Variants in CENPW observed in about 807,000 individuals in gnomAD.
CENPW encodes cancer-up-regulated gene 2 protein.
Under a neutral mutation model 11.1 loss-of-function variants are expected in CENPW, and 3 were observed. The observed-to-expected ratio is 0.27, with a 90% CI of 0.12 to 0.70. The LOEUF is 0.70. CENPW is among the 30% of genes least tolerant of loss of function. The probability of loss-of-function intolerance (pLI) is 0.77; values close to 1 mark genes in which losing one functional copy is unlikely to be tolerated. For missense variants in CENPW, 100 were observed against 105.6 expected, an observed-to-expected ratio of 0.95 and a Z score of 0.23; for synonymous variants, 38 against 42.0, an observed-to-expected ratio of 0.91 and a Z score of 0.37.
the CENPW span, among the ~76,000 whole-genome samples, chr6:126,479,871 T>C: frequency 6.6e-6 from 1 of 152,000 alleles, no homozygotes; most frequent in Non-Finnish European, 1.5e-5. Context: ...CATTTTATTT[T>C]GCTTTTACTC....
the CENPW span, among the ~76,000 whole-genome samples, chr6:126,473,395 T>C: frequency 7.2e-5 from 11 of 152,252 alleles, no homozygotes; most frequent in Non-Finnish European, 1.2e-4. Context: ...ATTCTAAGTA[T>C]TTTTATCTTA....
At chr6:126,377,806 A>C in the CENPW span, among the ~76,000 whole-genome samples, 1 of 152,318 alleles carries the variant, frequency 6.6e-6, no homozygotes, top group East Asian at 1.9e-4. Context: ...TAACAACAAA[A>C]GACTTATTCC....
the CENPW span, among the ~76,000 whole-genome samples, chr6:126,446,421 C>A: frequency 1.6e-3 from 226 of 144,466 alleles, 1 homozygote; most frequent in East Asian, 0.02. Flanking sequence ...TACTTTTAAT[C>A]CTTACTTGTT....
At chr6:126,393,658 G>A in the CENPW span, among the ~76,000 whole-genome samples, 25 of 150,362 alleles carry the variant, frequency 1.7e-4, no homozygotes, top group African/African-American at 2.7e-4. Context: ...TATTATTTCC[G>A]TTTTTTGGAA....
At chr6:126,368,465 A>G in the CENPW span, among the ~76,000 whole-genome samples, 1 of 152,166 alleles carries the variant, frequency 6.6e-6, no homozygotes, top group South Asian at 2.1e-4. Context: ...TATAAAATTA[A>G]AAACTTTAAT....
chr6:126,340,350 T>G lies in CENPW; in HGVS notation c.77T>G (p.Phe26Cys), dbSNP rs201673480. 1.2e-6 allele frequency: 2 copies of G among 1,614,140 alleles called. No individual in the cohort carries two copies. The highest frequency in any genetic ancestry group is 2.7e-5 in the African/African-American group (2 of 75,048). ...CCCCGTGGCTTTCTAAAGCGAGTCT[T>G]CAAGCGAAAGAAGCCTCAACTTCGT... ...KAPRGFLKRV[F>C]KRKKPQLRLE... The change falls in exon 1 of 3, where the codon TTC becomes TGC. Residue 26 changes from phenylalanine to cysteine, a missense_variant. Physicochemically the swap from Phe to Cys is radical, Grantham distance 205. Coordinates refer to ENST00000368328, the MANE Select transcript of CENPW (RefSeq NM_001012507.4).
chr6:126,349,087 T>G (rs1436791483), downstream of CENPW, among the ~76,000 whole-genome samples: 1 of 152,060 alleles, frequency 6.6e-6, no homozygotes, highest in Non-Finnish European at 1.5e-5. Context: ...TCTTCAAGTC[T>G]CATGGATTTA....
chr6:126,475,024 C>T, the CENPW span, among the ~76,000 whole-genome samples: 1 of 152,060 alleles, frequency 6.6e-6, no homozygotes, highest in Non-Finnish European at 1.5e-5. Flanking sequence ...TACTTTGCAG[C>T]AGCCACCAGT....
chr6:126,474,751 A>G, the CENPW span, among the ~76,000 whole-genome samples: 11 of 152,118 alleles, frequency 7.2e-5, no homozygotes, highest in Admixed American at 7.2e-4. Flanking sequence ...TTTACACTCA[A>G]CTCACCTGTG....
the CENPW span, among the ~76,000 whole-genome samples, chr6:126,445,952 A>T: frequency 6.6e-6 from 1 of 151,062 alleles, no homozygotes; most frequent in Non-Finnish European, 1.5e-5. Flanking sequence ...CAAATTGAAC[A>T]CTTTGGAGTT....
At chr6:126,362,954 C>A in the CENPW span, among the ~76,000 whole-genome samples, 1 of 152,110 alleles carries the variant, frequency 6.6e-6, no homozygotes, top group Non-Finnish European at 1.5e-5. Context: ...TTTTGGCTTG[C>A]ATGCTGAAAT....
At chr6:126,407,818 ACT>A in the CENPW span, among the ~76,000 whole-genome samples, 1 of 151,748 alleles carries the variant, frequency 6.6e-6, no homozygotes, top group African/African-American at 2.4e-5. Context: ...TTCCTTGTAG[ACT>A]CTTGATATTA....
downstream of CENPW, among the ~76,000 whole-genome samples, chr6:126,352,879 G>T (rs1340233733): frequency 6.6e-6 from 1 of 151,888 alleles, no homozygotes; most frequent in East Asian, 1.9e-4. Context: ...TAACTTTTAT[G>T]ATTCATTTTA....
chr6:126,354,767 T>A, the CENPW span, among the ~76,000 whole-genome samples: 5 of 152,140 alleles, frequency 3.3e-5, no homozygotes, highest in Admixed American at 1.3e-4. Flanking sequence ...AGATCTTTGC[T>A]CTTCAATTAA....
the CENPW span, among the ~76,000 whole-genome samples, chr6:126,446,400 A>G: frequency 6.9e-6 from 1 of 144,656 alleles, no homozygotes; most frequent in African/African-American, 2.5e-5. Context: ...AAGTTTGCTT[A>G]AACTTCTTAA....
At chr6:126,396,379 C>G in the CENPW span, among the ~76,000 whole-genome samples, 1 of 152,128 alleles carries the variant, frequency 6.6e-6, no homozygotes, top group Non-Finnish European at 1.5e-5. Flanking sequence ...AATGTTTACT[C>G]GAGGCTTAAG....
chr6:126,412,769 A>G, the CENPW span, among the ~76,000 whole-genome samples: 2 of 151,726 alleles, frequency 1.3e-5, no homozygotes, highest in African/African-American at 4.8e-5. Flanking sequence ...CTTTTTTCCT[A>G]CCTTTTTTAG....
chr6:126,440,208 T>C, the CENPW span, among the ~76,000 whole-genome samples: 1 of 151,626 alleles, frequency 6.6e-6, no homozygotes, highest in African/African-American at 2.4e-5. Context: ...GGTGAGAGCA[T>C]GAATAAATAT....
the CENPW span, among the ~76,000 whole-genome samples, chr6:126,382,998 G>T: frequency 2.9e-4 from 44 of 152,220 alleles, no homozygotes; most frequent in African/African-American, 1.0e-3. Context: ...AATCTATAAG[G>T]TTGAAATGAA....
Sources: allele counts gnomAD v4.1 joint callset (sites outside exome capture counted in the v4.1 genomes callset), GRCh38; gene constraint gnomAD v4.1.1; transcripts MANE v1.5; gene names NCBI Gene and HGNC (gene_info 2026-07-23, HGNC 2026-07-21).